The following GSE1 variants were observed in gnomAD, a reference collection of about 807,000 sequenced individuals.
The protein encoded by GSE1 is genetic suppressor element 1.
A neutral mutation model predicts 112.6 loss-of-function variants in GSE1; 32 were observed. The ratio of observed to expected loss-of-function variants is 0.28; its 90% CI spans 0.21 to 0.38. The LOEUF is 0.38. Among genes scored for constraint, GSE1 ranks in the 10% least tolerant of loss-of-function variants. GSE1 has a pLI of 1.00. For missense variants in GSE1, 2,348 were observed against 1,699.2 expected (o/e 1.38, Z -6.71); for synonymous variants, 1,115 against 735.6 (o/e 1.52, Z -8.35).
chr16:85,573,969 C>A (rs370541401), intron 1 of GSE1, among the ~76,000 whole-genome samples: 4 of 152,298 alleles, frequency 2.6e-5, no homozygotes, highest in Admixed American at 2.0e-4. Context: ...GCAGACGTGG[C>A]GCCGTCTCTT....
At chr16:85,357,917 T>C (rs1201302809) in intron 2 of GSE1, among the ~76,000 whole-genome samples, 1 of 152,164 alleles carries the variant, frequency 6.6e-6, no homozygotes, top group African/African-American at 2.4e-5. Context: ...TTTATTTACC[T>C]ATACACTCTC....
intron 2 of GSE1, among the ~76,000 whole-genome samples, chr16:85,376,172 C>T (rs2047416277): frequency 6.6e-6 from 1 of 152,176 alleles, no homozygotes. Context: ...AGCTCTGCAC[C>T]CGCTGTTCTG....
intron 2 of GSE1, among the ~76,000 whole-genome samples, chr16:85,478,196 C>T (rs530581356): frequency 1.8e-4 from 28 of 152,252 alleles, no homozygotes; most frequent in African/African-American, 5.8e-4. Context: ...CAGCAGCGTG[C>T]GTCAGTACTT....
rs1305650160 is a variant in GSE1 at position 85,235,983 on chromosome 16, CCTGGGCCTGGGCCTGGGGCTGAGG to C, written c.2283+64188_2283+64211del. ...CGCCCCCTCCGGCGCCGGGCCTGGG[CCTGGGCCTGGGCCTGGGGCTGAGG>C]CTGGGCCTGGGGCTGCGGCTGGGGC... On this transcript the variant is annotated intron_variant, in intron 1 of 2. Transcript: ENST00000637419. 2.9e-5 allele frequency among the ~76,000 whole-genome samples: 4 copies of C among 139,640 alleles called. No homozygotes were observed. In the East Asian group the frequency reaches 9.8e-4, roughly 34 times the overall value. 91.6% of individuals were successfully genotyped at this position (139,640 alleles called of 152,430 possible).
chr16:85,629,374 A>C (rs141502507), intron 1 of GSE1, among the ~76,000 whole-genome samples: 59 of 152,256 alleles, frequency 3.9e-4, no homozygotes, highest in Admixed American at 3.3e-3. Flanking sequence ...CTGCTCCCAG[A>C]CCTTCAGGGC....
chr16:85,170,441 G>A (rs974200841), exon 1 of GSE1: 1 of 985,590 alleles, frequency 1.0e-6, no homozygotes, highest in Non-Finnish European at 1.2e-6. Flanking sequence ...ACCCTGGAGA[G>A]CAGGCCGCTG....
chr16:85,563,385 G>A (rs2045608868), intron 1 of GSE1, among the ~76,000 whole-genome samples: 1 of 152,172 alleles, frequency 6.6e-6, no homozygotes, highest in Non-Finnish European at 1.5e-5. Flanking sequence ...AGGGGAAAAT[G>A]TATTTTTCCG....
intron 13 of GSE1, 56 bp from the exon 14 acceptor site, chr16:85,668,084 C>T (rs771935959): frequency 1.5e-5 from 20 of 1,368,468 alleles, no homozygotes; most frequent in Non-Finnish European, 1.9e-5. Context: ...CCTTCTGAGA[C>T]AGCACCCTGT....
chr16:85,295,338 C>T (rs535670138), intron 1 of GSE1, among the ~76,000 whole-genome samples: 24 of 152,356 alleles, frequency 1.6e-4, no homozygotes, highest in African/African-American at 5.5e-4. Flanking sequence ...CCTGTCTCTA[C>T]TAAAAATACA....
At position 85,564,059 on chromosome 16, in the gene GSE1, G is replaced by T. The variant is rs148785759; in HGVS notation, c.37+7696G>T. Among the ~76,000 whole-genome samples, 50 of 152,358 alleles carry T rather than the reference G, an allele frequency of 3.3e-4. No homozygotes were observed. In the East Asian group the frequency reaches 6.6e-3, roughly 20 times the overall value. On this transcript the variant is annotated intron_variant, in intron 1 of 2. Coordinates refer to the GSE1 transcript ENST00000635906. The stretch of plus-strand genomic sequence containing the variant: ...GGCACTGCGCTGCGTCAGTCCACTG[G>T]GCAGGAGCAGCAGAGGAGATCTATG...
chr16:85,514,444 G>C (rs2051857044), intron 2 of GSE1, among the ~76,000 whole-genome samples: 1 of 131,534 alleles, frequency 7.6e-6, no homozygotes, highest in South Asian at 2.5e-4. Context: ...CCCACCCCAG[G>C]GCAGCTCCTG....
At chr16:85,650,179 C>A (rs2051216082) in intron 3 of GSE1, among the ~76,000 whole-genome samples, 1 of 152,156 alleles carries the variant, frequency 6.6e-6, no homozygotes, top group Admixed American at 6.5e-5. Flanking sequence ...GCCACAGGGG[C>A]CTCCACACCC....
At chr16:85,355,599 T>C (rs575403491) in intron 1 of GSE1, among the ~76,000 whole-genome samples, 9 of 152,140 alleles carry the variant, frequency 5.9e-5, no homozygotes, top group Admixed American at 2.0e-4. Context: ...CTGTGTGGGA[T>C]GATGAGAAAG....
intron 1 of GSE1, among the ~76,000 whole-genome samples, chr16:85,200,168 G>C (rs1443402133): frequency 1.3e-5 from 2 of 152,052 alleles, no homozygotes; most frequent in Non-Finnish European, 2.9e-5. Context: ...AATATGCTCG[G>C]ATCCCATTTT....
At chr16:85,462,234 C>T (rs1327698200) in intron 2 of GSE1, among the ~76,000 whole-genome samples, 2 of 152,132 alleles carry the variant, frequency 1.3e-5, no homozygotes, top group Non-Finnish European at 2.9e-5. Context: ...GGGCTCAGCT[C>T]CTTAAAGCCC....
chr16:85,476,631 C>G (rs1404099970), intron 2 of GSE1, among the ~76,000 whole-genome samples: 1 of 134,662 alleles, frequency 7.4e-6, no homozygotes, highest in Non-Finnish European at 1.7e-5. Flanking sequence ...TGATGTAATT[C>G]TTTCATTTAT....
chr16:85,647,153 G>A (rs570315353), intron 2 of GSE1, among the ~76,000 whole-genome samples: 6 of 152,344 alleles, frequency 3.9e-5, no homozygotes, highest in African/African-American at 1.4e-4. Context: ...CGCACCTGCA[G>A]ATGGGCCGGG....
rs560404777 is a variant in GSE1, at chr16:85,391,794, C to T, written c.2464+34151C>T. 2.5e-3 allele frequency among the ~76,000 whole-genome samples: 388 copies of T among 152,244 alleles called. 1 individual carries two copies. The highest frequency in any genetic ancestry group is 4.2e-3 in the Non-Finnish European group (289 of 68,016). ...ACTGGAGTAGATGCTTGTGGGGCCT[C>T]ACTGGCATGTCCCCCACCAATCTCC... On this transcript the variant is annotated intron_variant, in intron 2 of 2. Transcript: ENST00000637419.
chr16:85,500,583 C>T (rs1038392180), intron 2 of GSE1, among the ~76,000 whole-genome samples: 7 of 152,206 alleles, frequency 4.6e-5, no homozygotes, highest in South Asian at 4.1e-4. Flanking sequence ...GATTTGGGCA[C>T]GCTGCAGAGG....
Sources: allele counts gnomAD v4.1 joint callset (sites outside exome capture counted in the v4.1 genomes callset), GRCh38; gene constraint gnomAD v4.1.1; transcripts MANE v1.5; gene names NCBI Gene and HGNC (gene_info 2026-07-23, HGNC 2026-07-21).